Variants in SLC2A7 observed in about 807,000 individuals in gnomAD.
SLC2A7 encodes the protein solute carrier family 2, facilitated glucose transporter member 7.
A neutral mutation model predicts 50.5 loss-of-function variants in SLC2A7; 50 were observed. The observed-to-expected ratio is 0.99, with a 90% CI of 0.79 to 1.25. The LOEUF (loss-of-function observed/expected upper bound fraction) is 1.25, where lower values mean the gene tolerates loss of function less well. Among genes scored for constraint, SLC2A7 ranks in the 50% most tolerant of loss-of-function variants. SLC2A7 has a pLI of 0.00. For synonymous variants in SLC2A7, 308 were observed against 300.4 expected (o/e 1.03, Z -0.26); for missense variants, 683 against 679.1 (o/e 1.01, Z -0.06).
At chr1:9,015,075 C>T (rs1024269990) in intron 6 of SLC2A7, 42 bp downstream of exon 6, 12 of 1,609,188 alleles carry the variant, frequency 7.5e-6, no homozygotes, top group African/African-American at 4.0e-5. Flanking sequence ...GCCTGGCCCC[C>T]GGGGTGGGCA....
intron 4 of SLC2A7, among the ~76,000 whole-genome samples, chr1:9,018,802 C>T (rs1316370373): frequency 5.3e-5 from 8 of 152,164 alleles, no homozygotes; most frequent in African/African-American, 7.2e-5. Flanking sequence ...CTTCCTGGGA[C>T]GATACCTTGT....
At chr1:8,993,626 T>A in the SLC2A7 span, among the ~76,000 whole-genome samples, 4 of 152,088 alleles carry the variant, frequency 2.6e-5, no homozygotes, top group African/African-American at 9.7e-5. Flanking sequence ...TATAAAAACA[T>A]GACTTTATTT....
intron 9 of SLC2A7, among the ~76,000 whole-genome samples, chr1:9,007,892 G>A (rs1035851090): frequency 6.6e-6 from 1 of 151,912 alleles, no homozygotes; most frequent in Admixed American, 6.6e-5. Context: ...GCGCCACCAC[G>A]CCCGGCTTAT....
At chr1:9,011,898 T>A (rs753613610) in intron 8 of SLC2A7, among the ~76,000 whole-genome samples, 15 of 151,848 alleles carry the variant, frequency 9.9e-5, no homozygotes, top group Non-Finnish European at 1.9e-4. Flanking sequence ...TACAGGCATG[T>A]GCTATCACGC....
downstream of SLC2A7, among the ~76,000 whole-genome samples, chr1:9,001,083 C>T (rs1640566812): frequency 6.6e-6 from 1 of 152,034 alleles, no homozygotes; most frequent in Admixed American, 6.6e-5. Flanking sequence ...ACAGGTAAAC[C>T]TATAATTAAT....
At position 9,019,210 on chromosome 1, in the gene SLC2A7, T is replaced by G. The variant is rs1252420881; in HGVS notation, c.435A>C (p.Ala145=). 1.2e-6 allele frequency: 2 copies of G among 1,613,698 alleles called. No homozygotes were observed. Among genetic ancestry groups the G allele is most frequent in the South Asian group, 2.2e-5 (2 of 91,052 alleles). The change falls in exon 4 of 12, where the codon GCA becomes GCC. Residue 145 remains alanine (A), a splice_region_variant and synonymous_variant. Transcript: ENST00000400906. ...VFSRVVLGVC[A]GISYSALPMY... is the part of the protein sequence containing the mutation. ...AGCCGGAGCCTGGGCCCCAGGTACC[T>G]GCACAGACTCCCAGCACCACTCGGG...
At chr1:9,006,778 C>T (rs568171926) in intron 10 of SLC2A7, among the ~76,000 whole-genome samples, 37 of 152,296 alleles carry the variant, frequency 2.4e-4, no homozygotes, top group Middle Eastern at 6.8e-3. Context: ...AGGTTCAATT[C>T]TCAGGACACA....
chr1:9,010,696 G>C (rs1000579499), intron 8 of SLC2A7, among the ~76,000 whole-genome samples: 3 of 152,154 alleles, frequency 2.0e-5, no homozygotes, highest in Admixed American at 2.0e-4. Context: ...GCCTGCATGT[G>C]GGATGCAGGC....
At chr1:9,017,515 C>T (rs1365020749) in intron 5 of SLC2A7, among the ~76,000 whole-genome samples, 6 of 152,208 alleles carry the variant, frequency 3.9e-5, no homozygotes, top group Non-Finnish European at 8.8e-5. Context: ...CCACTCAGTC[C>T]ATTTACGTCG....
intron 2 of SLC2A7, among the ~76,000 whole-genome samples, chr1:9,023,555 C>T (rs1383448693): frequency 2.0e-5 from 3 of 151,484 alleles, no homozygotes; most frequent in African/African-American, 4.9e-5. Context: ...TGCAGTGAGC[C>T]GAGATTGCGG....
In SLC2A7 at chr1:9,018,375, C is replaced by T; in HGVS notation, c.437G>A (p.Gly146Asp). 6.2e-7 allele frequency: 1 copy of T among 1,614,122 alleles called. No individual in the cohort carries two copies. The highest frequency in any genetic ancestry group is 8.5e-7 in the Non-Finnish European group (1 of 1,180,000). ...FSRVVLGVCA[G>D]ISYSALPMYL... is the part of the protein sequence containing the mutation. ...CATGGGAAGGGCGCTGTAGGAGATGCCTGGTTTGGGCACAGCAGAAATCAG... is the reference window on the plus strand; with the variant it reads ...CATGGGAAGGGCGCTGTAGGAGATGTCTGGTTTGGGCACAGCAGAAATCAG... The change falls in exon 5 of 12, where the codon GGC becomes GAC. Residue 146 changes from glycine to aspartate, a missense_variant and splice_region_variant. By Grantham distance (94) the Gly-to-Asp change is moderately conservative. Coordinates refer to ENST00000400906, the MANE Select transcript of SLC2A7 (RefSeq NM_207420.3).
Position 9,013,548 on chromosome 1 carries a change from TGAC to T in SLC2A7, c.988_990del (p.Val330del). ...ACCGAGGTGATGGTCATCACTATGT[TGAC>T]GACGCCAGAGCCCACCGTTACATAT... On this transcript the variant is annotated inframe_deletion, in exon 8 of 12. Coordinates refer to ENST00000400906, the MANE Select transcript of SLC2A7 (RefSeq NM_207420.3). 6.2e-7 allele frequency: 1 copy of T among 1,613,860 alleles called. No homozygotes were observed. Among genetic ancestry groups the T allele is most frequent in the Non-Finnish European group, 8.5e-7 (1 of 1,179,980 alleles).
intron 11 of SLC2A7, among the ~76,000 whole-genome samples, chr1:9,004,456 TG>T: frequency 6.6e-6 from 1 of 151,452 alleles, no homozygotes; most frequent in Admixed American, 6.6e-5. Context: ...AAGGAAGCGG[TG>T]GGGGATCTGC....
intron 3 of SLC2A7, among the ~76,000 whole-genome samples, chr1:9,019,698 C>T (rs900780770): frequency 3.9e-5 from 6 of 152,024 alleles, no homozygotes; most frequent in Admixed American, 6.6e-5. Context: ...CTGAGGTGGG[C>T]GGATCACTTG....
chr1:9,004,970 G>T, intron 10 of SLC2A7, 91 bp from the exon 11 acceptor site: 1 of 1,417,466 alleles, frequency 7.1e-7, no homozygotes, highest in Non-Finnish European at 9.5e-7. Flanking sequence ...CTCTGACCTA[G>T]GACCCTCAAG....
intron 8 of SLC2A7, among the ~76,000 whole-genome samples, chr1:9,012,602 A>G (rs1031097211): frequency 2.0e-5 from 3 of 152,252 alleles, no homozygotes; most frequent in Non-Finnish European, 4.4e-5. Context: ...CAAATAATAG[A>G]TAACTTTCTT....
intron 3 of SLC2A7, among the ~76,000 whole-genome samples, chr1:9,022,471 G>A (rs1309263525): frequency 6.6e-6 from 1 of 152,136 alleles, no homozygotes; most frequent in African/African-American, 2.4e-5. Context: ...TGAGACAGTG[G>A]CCGGCAGCGT....
downstream of SLC2A7, among the ~76,000 whole-genome samples, chr1:9,001,936 A>C (rs1640580913): frequency 6.6e-6 from 1 of 152,132 alleles, no homozygotes; most frequent in African/African-American, 2.4e-5. Context: ...AGATGCTGTT[A>C]ATCTGTAACC....
intron 5 of SLC2A7, among the ~76,000 whole-genome samples, chr1:9,015,599 C>A (rs963990619): frequency 2.6e-5 from 4 of 152,090 alleles, no homozygotes; most frequent in Admixed American, 6.5e-5. Flanking sequence ...CTGGACCCTG[C>A]GCTGGGTCTG....
Sources: gnomAD v4.1 joint callset for allele counts (sites outside exome capture counted in the v4.1 genomes callset) on GRCh38, gnomAD v4.1.1 for gene constraint, MANE v1.5 for transcripts, NCBI Gene and HGNC (gene_info 2026-07-23, HGNC 2026-07-21) for gene names.